Variants in LRRTM4 observed in about 807,000 individuals in gnomAD.
LRRTM4 encodes the protein leucine-rich repeat transmembrane neuronal protein 4.
In LRRTM4, 25 loss-of-function variants were observed where a neutral mutation model predicts 47.6. That is an observed-to-expected ratio of 0.53 (90% CI 0.38 to 0.73). The LOEUF is 0.73. LRRTM4 is among the 30% of genes least tolerant of loss of function. The pLI, the probability that LRRTM4 is intolerant of heterozygous loss-of-function variation, is 0.00. For missense variants in LRRTM4, 638 were observed against 713.4 expected (o/e 0.89, Z 1.20); for synonymous variants, 311 against 269.5 (o/e 1.15, Z -1.51).
At chr2:76,759,949 C>T (rs920642704) in intron 3 of LRRTM4, among the ~76,000 whole-genome samples, 3 of 152,094 alleles carry the variant, frequency 2.0e-5, no homozygotes, top group South Asian at 2.1e-4. Flanking sequence ...TAATGATGCT[C>T]ATGTTTCTCC....
At chr2:77,408,660 G>C (rs1317917078) in intron 3 of LRRTM4, among the ~76,000 whole-genome samples, 2 of 152,146 alleles carry the variant, frequency 1.3e-5, no homozygotes, top group African/African-American at 4.8e-5. Context: ...ATCCCCCCAG[G>C]AAGGATAGGT....
Position 76,958,562 on chromosome 2 carries a change from C to G in LRRTM4, c.1552-209646G>C, listed in dbSNP as rs565226487. Among the ~76,000 whole-genome samples, 6 of 151,768 alleles carry G rather than the reference C, an allele frequency of 4.0e-5. No homozygotes were observed. In the South Asian group the frequency reaches 1.2e-3, roughly 31 times the overall value. On this transcript the variant is annotated intron_variant, in intron 3 of 3. Coordinates refer to ENST00000409884, the MANE Select transcript of LRRTM4 (RefSeq NM_001134745.3). The stretch of plus-strand genomic sequence containing the variant: ...ACAGCATCCATTTCCATACAAGATC[C>G]TTTAGGTTCACAGTGAGGCCCTGAA...
chr2:77,138,869 C>G (rs1031417965), intron 3 of LRRTM4, among the ~76,000 whole-genome samples: 10 of 152,106 alleles, frequency 6.6e-5, no homozygotes, highest in Non-Finnish European at 1.3e-4. Flanking sequence ...ACTAGAAAAT[C>G]TAGAAGAAAT....
intron 3 of LRRTM4, among the ~76,000 whole-genome samples, chr2:77,369,430 T>C (rs937727045): frequency 4.0e-5 from 6 of 151,578 alleles, no homozygotes; most frequent in Non-Finnish European, 5.9e-5. Context: ...GAATACAAAG[T>C]AGCAAATATG....
chr2:77,168,615 T>C (rs528085234), intron 3 of LRRTM4, among the ~76,000 whole-genome samples: 2 of 152,154 alleles, frequency 1.3e-5, no homozygotes, highest in African/African-American at 2.4e-5. Context: ...TTGTTAATTA[T>C]AGTCATTCTA....
chr2:77,329,665 G>C (rs1052960080), intron 3 of LRRTM4, among the ~76,000 whole-genome samples: 14 of 152,222 alleles, frequency 9.2e-5, no homozygotes, highest in Admixed American at 3.3e-4. Context: ...TGTCATGCAG[G>C]TCAACACATG....
At chr2:77,118,763 A>C (rs971094267) in intron 3 of LRRTM4, among the ~76,000 whole-genome samples, 2 of 151,836 alleles carry the variant, frequency 1.3e-5, no homozygotes, top group Non-Finnish European at 1.5e-5. Context: ...CAAGTTATTC[A>C]AATTTTTAGG....
At chr2:77,114,593 C>T (rs573823295) in intron 3 of LRRTM4, among the ~76,000 whole-genome samples, 2 of 152,230 alleles carry the variant, frequency 1.3e-5, no homozygotes, top group East Asian at 1.9e-4. Context: ...TGCCAGATAT[C>T]AGGGGAACCA....
At chr2:76,804,145 T>C (rs1055922137) in intron 3 of LRRTM4, among the ~76,000 whole-genome samples, 1 of 152,184 alleles carries the variant, frequency 6.6e-6, no homozygotes, top group Non-Finnish European at 1.5e-5. Context: ...TGTGACTACA[T>C]GCTGAGTCCT....
At chr2:76,975,723 C>T (rs1448317570) in intron 3 of LRRTM4, among the ~76,000 whole-genome samples, 1 of 151,750 alleles carries the variant, frequency 6.6e-6, no homozygotes, top group Non-Finnish European at 1.5e-5. Context: ...ACCATTTTGG[C>T]AGAGTACCTT....
At chr2:76,904,870 G>A (rs760478314) in intron 3 of LRRTM4, among the ~76,000 whole-genome samples, 1 of 152,216 alleles carries the variant, frequency 6.6e-6, no homozygotes, top group Non-Finnish European at 1.5e-5. Context: ...GTTTTGAAAA[G>A]GCATCATTCT....
intron 3 of LRRTM4, among the ~76,000 whole-genome samples, chr2:77,115,580 G>A (rs560736160): frequency 2.0e-4 from 31 of 152,142 alleles, no homozygotes; most frequent in African/African-American, 5.5e-4. Flanking sequence ...CCCTCCGTTC[G>A]GGGTCCCTGA....
chr2:76,762,293 T>C (rs1673286819), intron 3 of LRRTM4, among the ~76,000 whole-genome samples: 2 of 152,166 alleles, frequency 1.3e-5, no homozygotes, highest in African/African-American at 2.4e-5. Flanking sequence ...CACCACGCTG[T>C]ACTTTGTTAT....
At chr2:76,943,379 T>C (rs767624055) in intron 3 of LRRTM4, among the ~76,000 whole-genome samples, 25 of 152,126 alleles carry the variant, frequency 1.6e-4, no homozygotes, top group Admixed American at 6.5e-4. Flanking sequence ...GAGCTTGCAG[T>C]GGGCGGAGAT....
chr2:77,184,028 CAT>C (rs1472274330), intron 3 of LRRTM4, among the ~76,000 whole-genome samples: 2 of 152,006 alleles, frequency 1.3e-5, no homozygotes, highest in Non-Finnish European at 2.9e-5. Context: ...CATATGTATA[CAT>C]ATGTAATAAA....
intron 3 of LRRTM4, among the ~76,000 whole-genome samples, chr2:76,971,757 T>A (rs1308421723): frequency 6.6e-6 from 1 of 152,064 alleles, no homozygotes; most frequent in Non-Finnish European, 1.5e-5. Context: ...ATAATTTTTT[T>A]TCAAAGTTCC....
chr2:77,366,295 C>A (rs1205474059), intron 3 of LRRTM4, among the ~76,000 whole-genome samples: 3 of 151,846 alleles, frequency 2.0e-5, no homozygotes, highest in Non-Finnish European at 2.9e-5. Context: ...ATTGACCACT[C>A]TTTTTACCTT....
intron 3 of LRRTM4, among the ~76,000 whole-genome samples, chr2:76,837,229 AT>A (rs1380289989): frequency 6.6e-6 from 1 of 151,968 alleles, no homozygotes; most frequent in African/African-American, 2.4e-5. Context: ...CGGTGGTGAT[AT>A]CCCCTTTATC....
At chr2:77,319,745 G>T (rs112744323) in intron 3 of LRRTM4, among the ~76,000 whole-genome samples, 32 of 152,214 alleles carry the variant, frequency 2.1e-4, no homozygotes, top group Middle Eastern at 3.4e-3. Flanking sequence ...TAAAACTAAG[G>T]ACACCTACAT....
Sources: allele counts gnomAD v4.1 joint callset (sites outside exome capture counted in the v4.1 genomes callset), GRCh38; gene constraint gnomAD v4.1.1; transcripts MANE v1.5; gene names NCBI Gene and HGNC (gene_info 2026-07-23, HGNC 2026-07-21).